XKR6: variants seen among roughly 807,000 people sequenced by gnomAD.
The protein encoded by XKR6 is XK-related protein 6.
Under a neutral mutation model 56.7 loss-of-function variants are expected in XKR6, and 22 were observed. That is an observed-to-expected ratio of 0.39 (90% CI 0.28 to 0.55). The LOEUF is 0.55. Among genes scored for constraint, XKR6 ranks in the 20% least tolerant of loss-of-function variants. The pLI is 0.66. For synonymous variants in XKR6, 524 were observed against 387.8 expected (o/e 1.35, Z -4.13); for missense variants, 852 against 889.0 (o/e 0.96, Z 0.53).
At chr8:10,985,688 C>T (rs959031974) in intron 1 of XKR6, among the ~76,000 whole-genome samples, 1 of 152,162 alleles carries the variant, frequency 6.6e-6, no homozygotes, top group Non-Finnish European at 1.5e-5. Context: ...TTTCCCACAG[C>T]CTTGAGATCA....
intron 1 of XKR6, among the ~76,000 whole-genome samples, chr8:11,121,910 T>C (rs1799477258): frequency 6.6e-6 from 1 of 152,150 alleles, no homozygotes; most frequent in Admixed American, 6.5e-5. Context: ...CTGGAAACCA[T>C]CATTCTCAGC....
rs1232749986 is a variant in XKR6, at chr8:10,896,716, TTA to T, written c.*1234_*1235del. 1 of 151,644 alleles carries T rather than the reference TTA, an allele frequency of 6.6e-6. No homozygotes were observed. The highest frequency in any genetic ancestry group is 2.4e-5 in the African/African-American group (1 of 41,200). The allele number at this position is 151,644 out of a possible 1,614,324, so 9.4% of individuals were successfully genotyped here. ...GGTCAGTTATTACAATTTTGACTTT[TTA>T]TATATATGTATATATATATATATAT... On this transcript the variant is annotated 3_prime_UTR_variant, in exon 3 of 3. Coordinates refer to ENST00000416569, the MANE Select transcript of XKR6 (RefSeq NM_173683.4).
At chr8:11,012,405 A>C (rs1046432739) in intron 1 of XKR6, among the ~76,000 whole-genome samples, 1 of 152,240 alleles carries the variant, frequency 6.6e-6, no homozygotes, top group African/African-American at 2.4e-5. Context: ...GAGTTAATAC[A>C]TGTAAAGTGT....
rs768237791 is a variant in XKR6, at chr8:10,898,306, G to A, written c.1572C>T (p.Pro524=). ...TCTCAGGCGCCATGGGCTCAACATCGGGGGGCAAAGGGATGCCCCAGAGCA... is the reference window on the plus strand; with the variant it reads ...TCTCAGGCGCCATGGGCTCAACATCAGGGGGCAAAGGGATGCCCCAGAGCA... ...AELLWGIPLP[P]DVEPMAPEIP... Residue 524 remains proline (P), a synonymous_variant, in exon 3 of 3, where the codon CCC becomes CCT. Coordinates refer to ENST00000416569, the MANE Select transcript of XKR6 (RefSeq NM_173683.4). The surrounding 1 kb of genome is among the most constrained non-coding windows in gnomAD (Gnocchi z 6.6). 50 of 1,613,782 alleles carry A rather than the reference G, an allele frequency of 3.1e-5. No individual in the cohort carries two copies. The highest frequency in any genetic ancestry group is 1.1e-4 in the African/African-American group (8 of 74,886).
chr8:10,909,132 C>G (rs953727268), intron 2 of XKR6, among the ~76,000 whole-genome samples: 46 of 151,510 alleles, frequency 3.0e-4, no homozygotes, highest in Non-Finnish European at 4.6e-4. Flanking sequence ...CGCCACTGCA[C>G]TCCAGCCTGG....
chr8:10,993,526 T>A (rs1354469604), intron 1 of XKR6, among the ~76,000 whole-genome samples: 5 of 152,168 alleles, frequency 3.3e-5, no homozygotes, highest in Non-Finnish European at 5.9e-5. Flanking sequence ...GTCTTCAGGG[T>A]GGACACGCTG....
At chr8:11,052,926 C>A (rs1040352669) in intron 1 of XKR6, among the ~76,000 whole-genome samples, 13 of 152,188 alleles carry the variant, frequency 8.5e-5, no homozygotes, top group Non-Finnish European at 1.5e-4. Context: ...GCACCTGCAC[C>A]GCTGAAGCCC....
chr8:11,055,654 G>A (rs1022136703), intron 1 of XKR6, among the ~76,000 whole-genome samples: 1 of 152,236 alleles, frequency 6.6e-6, no homozygotes, highest in Admixed American at 6.5e-5. Context: ...TTTGGAGCTG[G>A]AGGTGACTGC....
At chr8:11,137,711 C>T (rs1322216841) in intron 1 of XKR6, 4 of 456,284 alleles carry the variant, frequency 8.8e-6, no homozygotes, top group South Asian at 6.2e-5. Context: ...AGCTACTCCC[C>T]TGAAATAGGA....
intron 1 of XKR6, among the ~76,000 whole-genome samples, chr8:11,045,772 G>C (rs1372889189): frequency 6.6e-6 from 1 of 152,168 alleles, no homozygotes; most frequent in South Asian, 2.1e-4. Flanking sequence ...CTCCACCACA[G>C]AGGCAGTGCA....
chr8:10,962,517 C>A (rs1453733355), intron 1 of XKR6, among the ~76,000 whole-genome samples: 1 of 152,204 alleles, frequency 6.6e-6, no homozygotes, highest in African/African-American at 2.4e-5. Context: ...CGATGTCTTA[C>A]ATCTTTTGGA....
chr8:11,167,890 T>A lies in XKR6; in HGVS notation c.764+32686A>T, dbSNP rs372965392. ...GGTGACAGAGTAAGACCCCATCTCT[T>A]AAAAAAAAAAAAAAAAAAAAAACCA... On this transcript the variant is annotated intron_variant, in intron 1 of 2. Transcript: ENST00000416569. Among the ~76,000 whole-genome samples the A allele has an allele frequency of 2.7e-3, 290 of 108,336 alleles. 3 individuals are homozygous for A. The highest frequency in any genetic ancestry group is 8.6e-3 in the African/African-American group (261 of 30,460). 71.1% of individuals were successfully genotyped at this position (108,336 alleles called of 152,430 possible).
At chr8:10,904,359 G>A (rs1800125167) in intron 2 of XKR6, among the ~76,000 whole-genome samples, 1 of 152,162 alleles carries the variant, frequency 6.6e-6, no homozygotes, top group Non-Finnish European at 1.5e-5. Flanking sequence ...ACCAGCCCTG[G>A]GGTCTCAGGT....
At chr8:11,002,371 G>T (rs73662671) in intron 1 of XKR6, 8,404 of 313,886 alleles carry the variant, frequency 0.027, 390 homozygotes, top group African/African-American at 0.12. Context: ...GCAGGGGAAG[G>T]CTCAGCCAGC....
In XKR6 at chr8:11,200,892, C is replaced by T; in HGVS notation, c.448G>A (p.Ala150Thr). ...TCCCCCTTGCGGTAGTAGTCGAGGG[C>T]CAGCCACAGGTCGGTGCCCACGTCC... Reference protein sequence around the residue: ...FGDVGTDLWLALDYYRKGDYV... With the variant: ...FGDVGTDLWLTLDYYRKGDYV... The change falls in exon 1 of 3, where the codon GCC becomes ACC. Residue 150 changes from alanine (A) to threonine (T), a missense_variant. Transcript: ENST00000416569. The surrounding 1 kb of genome is among the most constrained non-coding windows in gnomAD (Gnocchi z 6.4). The T allele has an allele frequency of 6.2e-7, 1 of 1,610,878 alleles. No individual in the cohort carries two copies. Among genetic ancestry groups the T allele is most frequent in the Non-Finnish European group, 8.5e-7 (1 of 1,179,308 alleles).
intron 1 of XKR6, among the ~76,000 whole-genome samples, chr8:11,190,101 G>A (rs1803475350): frequency 6.6e-6 from 1 of 151,464 alleles, no homozygotes; most frequent in Non-Finnish European, 1.5e-5. Context: ...AGGTTGCAGT[G>A]AGCCGAGATC....
At chr8:11,076,582 T>A (rs1255006483) in intron 1 of XKR6, among the ~76,000 whole-genome samples, 1 of 152,132 alleles carries the variant, frequency 6.6e-6, no homozygotes, top group African/African-American at 2.4e-5. Context: ...TCTCTAAATT[T>A]CAATTTTCTA....
At chr8:11,125,022 G>C (rs1563155285) in intron 1 of XKR6, among the ~76,000 whole-genome samples, 1 of 149,904 alleles carries the variant, frequency 6.7e-6, no homozygotes, top group Admixed American at 6.6e-5. Flanking sequence ...CCGGGAGGTG[G>C]AGCTTGCAGT....
At chr8:11,144,070 GT>G (rs1311165924) in intron 1 of XKR6, among the ~76,000 whole-genome samples, 2 of 151,998 alleles carry the variant, frequency 1.3e-5, no homozygotes, top group African/African-American at 2.4e-5. Context: ...CAATGACCTC[GT>G]TTAACCCTAG....
Sources: gnomAD v4.1 joint callset for allele counts (sites outside exome capture counted in the v4.1 genomes callset) on GRCh38, gnomAD v4.1.1 for gene constraint, Gnocchi (gnomAD v3.1) non-coding constraint, MANE v1.5 for transcripts, NCBI Gene and HGNC (gene_info 2026-07-23, HGNC 2026-07-21) for gene names.